The following MTFR1 variants were observed in gnomAD, a reference collection of about 807,000 sequenced individuals.
MTFR1 encodes the protein chondrocyte protein with a poly-proline region.
In MTFR1, 28 loss-of-function variants were observed where a neutral mutation model predicts 38.8. The observed-to-expected ratio is 0.72, with a 90% CI of 0.53 to 0.99. MTFR1 has a LOEUF of 0.99. Ranked by LOEUF, MTFR1 falls within the 50% of genes least tolerant of loss-of-function variation. The pLI is 0.00. For synonymous variants in MTFR1, 145 were observed against 137.0 expected, an observed-to-expected ratio of 1.06 and a Z score of -0.41; for missense variants, 358 against 395.5, an observed-to-expected ratio of 0.91 and a Z score of 0.81.
In MTFR1 at chr8:65,763,052, A is replaced by G. The variant is rs117066932; in HGVS notation, c.*49-7895A>G. ...GTGTGTGTGTGTATAAAATGAATAT[A>G]CAGCTTAAACTTCAGTATGAACCAA... On this transcript the variant is annotated intron_variant, in intron 3 of 3. Transcript: ENST00000521247. Among the ~76,000 whole-genome samples the G allele has an allele frequency of 2.7e-3, 406 of 151,766 alleles. 17 individuals carry two copies. In the East Asian group the frequency reaches 0.07, roughly 26 times the overall value.
intron 5 of MTFR1, among the ~76,000 whole-genome samples, chr8:65,705,938 G>A (rs943045435): frequency 2.6e-5 from 4 of 152,198 alleles, no homozygotes; most frequent in African/African-American, 7.2e-5. Flanking sequence ...CTATTGGCAA[G>A]TAGTGGTTAT....
chr8:65,708,065 C>T (rs779836975), intron 7 of MTFR1, 54 bp downstream of exon 7: 4 of 1,606,060 alleles, frequency 2.5e-6, no homozygotes, highest in African/African-American at 2.7e-5. Flanking sequence ...ATCCCATTGC[C>T]AAGCACTTGC....
At chr8:65,751,994 A>G (rs1807992589) in intron 3 of MTFR1, among the ~76,000 whole-genome samples, 1 of 152,198 alleles carries the variant, frequency 6.6e-6, no homozygotes, top group African/African-American at 2.4e-5. Flanking sequence ...ATCATAATCT[A>G]TTTAGCCAGT....
chr8:65,708,391 G>A lies in MTFR1; in HGVS notation c.933+380G>A, dbSNP rs187356820. ...AAGTGAAATTCAGTATAGTAACAATGTATATTTTGTGACATAGAAATTCAA... is the reference window on the plus strand; with the variant it reads ...AAGTGAAATTCAGTATAGTAACAATATATATTTTGTGACATAGAAATTCAA... On this transcript the variant is annotated intron_variant, in intron 7 of 7. Transcript: ENST00000262146. 3.9e-4 allele frequency: 126 copies of A among 320,296 alleles called. No homozygotes were observed. The East Asian group carries it at 4.0e-3, about 10-fold the overall frequency. 19.8% of individuals were successfully genotyped at this position (320,296 alleles called of 1,614,324 possible).
intron 2 of MTFR1, among the ~76,000 whole-genome samples, chr8:65,674,487 C>A (rs916580835): frequency 6.6e-6 from 1 of 151,886 alleles, no homozygotes; most frequent in African/African-American, 2.4e-5. Context: ...TGGTGTATGC[C>A]TGTAGTCCCA....
intron 1 of MTFR1, among the ~76,000 whole-genome samples, chr8:65,656,134 T>G (rs1002571826): frequency 1.7e-4 from 26 of 150,024 alleles, no homozygotes; most frequent in African/African-American, 5.9e-4. Context: ...AGGCAGAGGT[T>G]GCAGTGAGCC....
chr8:65,664,186 G>T (rs370366052), intron 1 of MTFR1, among the ~76,000 whole-genome samples: 5 of 152,114 alleles, frequency 3.3e-5, no homozygotes. Context: ...GTACTCAAGC[G>T]AATGCTCAAG....
At chr8:65,777,560 T>C in the MTFR1 span, among the ~76,000 whole-genome samples, 4 of 152,242 alleles carry the variant, frequency 2.6e-5, no homozygotes, top group Admixed American at 2.6e-4. Flanking sequence ...TGGCTGTTAT[T>C]TTTTGTTCTT....
intron 3 of MTFR1, among the ~76,000 whole-genome samples, chr8:65,757,433 T>C (rs1808283929): frequency 6.6e-6 from 1 of 152,174 alleles, no homozygotes; most frequent in South Asian, 2.1e-4. Flanking sequence ...CAGTCCATCA[T>C]AGTGCATGAC....
At chr8:65,716,968 A>C (rs1312071889) in intron 2 of MTFR1, among the ~76,000 whole-genome samples, 3 of 152,212 alleles carry the variant, frequency 2.0e-5, no homozygotes, top group African/African-American at 7.2e-5. Context: ...TGACTAGTCC[A>C]AATTGAGATG....
At chr8:65,773,427 G>A (rs1212047711), downstream of MTFR1, among the ~76,000 whole-genome samples, 2 of 152,110 alleles carry the variant, frequency 1.3e-5, no homozygotes, top group African/African-American at 2.4e-5. Flanking sequence ...TGATGAGATC[G>A]AGAGGATAAT....
chr8:65,689,163 A>G (rs1805195624), intron 3 of MTFR1, among the ~76,000 whole-genome samples: 1 of 152,144 alleles, frequency 6.6e-6, no homozygotes, highest in Non-Finnish European at 1.5e-5. Flanking sequence ...ACAAACAAAG[A>G]ATCCGTGTAT....
intron 3 of MTFR1, among the ~76,000 whole-genome samples, chr8:65,732,038 G>A (rs1284676021): frequency 2.0e-5 from 3 of 151,742 alleles, no homozygotes; most frequent in Non-Finnish European, 2.9e-5. Flanking sequence ...TCACTCTGTC[G>A]CCCAGGCTGG....
At chr8:65,742,417 G>C (rs1027878045) in intron 3 of MTFR1, among the ~76,000 whole-genome samples, 2 of 152,160 alleles carry the variant, frequency 1.3e-5, no homozygotes, top group Non-Finnish European at 2.9e-5. Context: ...CATCCTACCA[G>C]ACAATAACTA....
chr8:65,719,557 A>T (rs1806289409), intron 3 of MTFR1: 2 of 1,087,814 alleles, frequency 1.8e-6, no homozygotes, highest in Non-Finnish European at 2.8e-6. Flanking sequence ...TTAAAACATC[A>T]TCTATACAAC....
intron 4 of MTFR1, among the ~76,000 whole-genome samples, chr8:65,701,566 C>T (rs1281283507): frequency 6.6e-6 from 1 of 152,160 alleles, no homozygotes; most frequent in Non-Finnish European, 1.5e-5. Context: ...GTTCATAGGG[C>T]TTAAAAATGT....
At chr8:65,680,561 T>A (rs1804849331) in intron 2 of MTFR1, among the ~76,000 whole-genome samples, 2 of 152,214 alleles carry the variant, frequency 1.3e-5, no homozygotes, top group African/African-American at 4.8e-5. Context: ...TTATAAGTTG[T>A]ATATGCTTTT....
chr8:65,747,812 A>C (rs758417145), intron 3 of MTFR1: 3 of 1,588,082 alleles, frequency 1.9e-6, no homozygotes, highest in Admixed American at 1.7e-5. Flanking sequence ...AGCTGAAATA[A>C]AAAGAATAAA....
chr8:65,682,667 G>T, intron 3 of MTFR1: 1 of 674,814 alleles, frequency 1.5e-6, no homozygotes, highest in Non-Finnish European at 1.8e-6. Flanking sequence ...TCCTTCTTAA[G>T]GATGCATATG....
Sources: allele counts gnomAD v4.1 joint callset (sites outside exome capture counted in the v4.1 genomes callset), GRCh38; gene constraint gnomAD v4.1.1; transcripts MANE v1.5; gene names NCBI Gene and HGNC (gene_info 2026-07-23, HGNC 2026-07-21).